The following FHIT variants were observed in gnomAD, a reference collection of about 807,000 sequenced individuals.
FHIT encodes the protein fragile histidine triad diadenosine triphosphatase, also known as bis(5'-adenosyl)-triphosphatase.
Under a neutral mutation model 17.9 loss-of-function variants are expected in FHIT, and 19 were observed. The observed-to-expected ratio is 1.06, with a 90% CI of 0.74 to 1.56. FHIT has a LOEUF of 1.56. FHIT is among the 40% of genes most tolerant of loss of function. FHIT has a pLI of 0.00. For synonymous variants in FHIT, 81 were observed against 69.7 expected (o/e 1.16, Z -0.81); for missense variants, 248 against 189.2 (o/e 1.31, Z -1.82).
chr3:60,144,387 T>C (rs1700153925), intron 5 of FHIT, among the ~76,000 whole-genome samples: 1 of 151,468 alleles, frequency 6.6e-6, no homozygotes, highest in Non-Finnish European at 1.5e-5. Flanking sequence ...TAGTTATTTT[T>C]ATTCATTTCT....
chr3:60,304,613 A>G (rs1032911987), intron 5 of FHIT, among the ~76,000 whole-genome samples: 64 of 152,142 alleles, frequency 4.2e-4, no homozygotes, highest in African/African-American at 1.5e-3. Flanking sequence ...ACATAGGATA[A>G]GCAGTTAATC....
intron 5 of FHIT, among the ~76,000 whole-genome samples, chr3:60,264,097 TGG>T (rs1706447367): frequency 6.6e-6 from 1 of 151,090 alleles, no homozygotes; most frequent in African/African-American, 2.5e-5. Flanking sequence ...TTCCCCAAAG[TGG>T]GGGAGAAAAA....
At chr3:60,775,648 G>C (rs572653139) in intron 4 of FHIT, among the ~76,000 whole-genome samples, 1 of 152,170 alleles carries the variant, frequency 6.6e-6, no homozygotes, top group Non-Finnish European at 1.5e-5. Context: ...GTGGGGACTC[G>C]AGAAGGGGTA....
intron 3 of FHIT, among the ~76,000 whole-genome samples, chr3:60,903,652 A>T (rs1706237665): frequency 6.6e-6 from 1 of 152,232 alleles, no homozygotes; most frequent in African/African-American, 2.4e-5. Context: ...CTGTCATATA[A>T]TATTATCACA....
In FHIT at chr3:60,363,755, C is replaced by T. The variant is rs376767207; in HGVS notation, c.103+173105G>A. ...CGTGAACTCCAACAAGCTTCCCTGG[C>T]CCCCCTGGCCCCCCTGGCTTCAGTG... On this transcript the variant is annotated intron_variant, in intron 5 of 9. Transcript: ENST00000492590. Among the ~76,000 whole-genome samples, 3 of 152,100 alleles carry T rather than the reference C, an allele frequency of 2.0e-5. 1 individual carries two copies. The East Asian group carries it at 5.8e-4, about 29-fold the overall frequency.
Position 60,549,455 on chromosome 3 carries a change from C to A in FHIT, c.-17-12476G>T, listed in dbSNP as rs148257823. 1.1e-3 allele frequency among the ~76,000 whole-genome samples: 164 copies of A among 152,294 alleles called. 3 individuals carry two copies. Among genetic ancestry groups the A allele is most frequent in the African/African-American group, 3.5e-3 (144 of 41,564 alleles). Reference sequence around the variant, plus strand: ...CAACATTTATGCATCTCTTTGATTACTTCTCATGCATTAATTCCTAGATTT... The same window carrying A: ...CAACATTTATGCATCTCTTTGATTAATTCTCATGCATTAATTCCTAGATTT... On this transcript the variant is annotated intron_variant, in intron 4 of 9. Coordinates refer to ENST00000492590, the MANE Select transcript of FHIT (RefSeq NM_002012.4).
At chr3:59,787,042 G>A (rs1346002213) in intron 8 of FHIT, among the ~76,000 whole-genome samples, 1 of 152,184 alleles carries the variant, frequency 6.6e-6, no homozygotes, top group Non-Finnish European at 1.5e-5. Flanking sequence ...GGGCTGGTCT[G>A]TATAACTAGA....
intron 8 of FHIT, among the ~76,000 whole-genome samples, chr3:59,914,044 G>T (rs1705012138): frequency 6.6e-6 from 1 of 152,128 alleles, no homozygotes; most frequent in Non-Finnish European, 1.5e-5. Context: ...GAAATCTAAT[G>T]CATGATACAT....
At chr3:60,288,303 A>G (rs213375) in intron 5 of FHIT, among the ~76,000 whole-genome samples, 58,800 of 151,956 alleles carry the variant, frequency 0.39, 12,401 homozygotes, top group Non-Finnish European at 0.48. Flanking sequence ...GGTCAAAGAG[A>G]TAACATAATA....
At chr3:60,562,241 C>G (rs534758170) in intron 4 of FHIT, among the ~76,000 whole-genome samples, 1 of 152,074 alleles carries the variant, frequency 6.6e-6, no homozygotes, top group Non-Finnish European at 1.5e-5. Flanking sequence ...TTTATGGTTA[C>G]GGAAAGACAG....
intron 5 of FHIT, among the ~76,000 whole-genome samples, chr3:60,497,738 T>G (rs1415762737): frequency 6.6e-6 from 1 of 152,180 alleles, no homozygotes; most frequent in Admixed American, 6.5e-5. Context: ...TAGCAGATCA[T>G]AATAATTCCA....
chr3:60,716,349 T>A (rs2041682592), intron 4 of FHIT, among the ~76,000 whole-genome samples: 1 of 152,162 alleles, frequency 6.6e-6, no homozygotes, highest in South Asian at 2.1e-4. Context: ...TTTCTTTATA[T>A]CCTTTTTCTA....
intron 5 of FHIT, among the ~76,000 whole-genome samples, chr3:60,511,405 A>G (rs1253909742): frequency 2.0e-5 from 3 of 152,162 alleles, no homozygotes; most frequent in Non-Finnish European, 4.4e-5. Context: ...TCAAGCTATA[A>G]CTAGAGAAAA....
At chr3:59,824,544 C>T (rs991401687) in intron 8 of FHIT, among the ~76,000 whole-genome samples, 1 of 152,188 alleles carries the variant, frequency 6.6e-6, no homozygotes, top group African/African-American at 2.4e-5. Flanking sequence ...TGGTAATTTT[C>T]ATACAGCCAT....
At chr3:60,473,725 C>G (rs2033204015) in intron 5 of FHIT, among the ~76,000 whole-genome samples, 1 of 152,080 alleles carries the variant, frequency 6.6e-6, no homozygotes, top group African/African-American at 2.4e-5. Context: ...TCGAGACCAG[C>G]CTGGGCAACA....
rs1207007826 is a variant in FHIT, at chr3:60,954,656, T to G, written c.-111+87391A>C. ...CTGTGGTGAAGGTAGTTAGAGACAA[T>G]AACAAATTATCAGAATCTAACCATG... On this transcript the variant is annotated intron_variant, in intron 3 of 9. Transcript: ENST00000492590. Among the ~76,000 whole-genome samples, 6 of 152,158 alleles carry G rather than the reference T, an allele frequency of 3.9e-5. No individual in the cohort carries two copies. In the East Asian group the frequency reaches 1.2e-3, roughly 29 times the overall value.
At chr3:59,900,833 C>T (rs760231913) in intron 8 of FHIT, among the ~76,000 whole-genome samples, 7 of 152,034 alleles carry the variant, frequency 4.6e-5, no homozygotes, top group Non-Finnish European at 7.4e-5. Context: ...AAGCTGGTCT[C>T]GAACTCCTGA....
At position 60,162,953 on chromosome 3, in the gene FHIT, C is replaced by T. The variant is rs1701003973; in HGVS notation, c.104-148801G>A. Reference sequence around the variant, plus strand: ...CTTACAACAAAACTAGCAAGTTCTTCCAGAGTACAGAGCACCCCTGTTTGA... The same window carrying T: ...CTTACAACAAAACTAGCAAGTTCTTTCAGAGTACAGAGCACCCCTGTTTGA... On this transcript the variant is annotated intron_variant, in intron 5 of 9. Coordinates refer to ENST00000492590, the MANE Select transcript of FHIT (RefSeq NM_002012.4). 3.9e-5 allele frequency among the ~76,000 whole-genome samples: 6 copies of T among 152,278 alleles called. No individual in the cohort carries two copies. The South Asian group carries it at 1.0e-3, about 26-fold the overall frequency.
intron 5 of FHIT, among the ~76,000 whole-genome samples, chr3:60,443,296 C>T (rs1403769923): frequency 6.6e-6 from 1 of 152,184 alleles, no homozygotes; most frequent in East Asian, 1.9e-4. Context: ...CTGGCCAGAA[C>T]TTCCAACACT....
Sources: gnomAD v4.1 joint callset for allele counts (sites outside exome capture counted in the v4.1 genomes callset) on GRCh38, gnomAD v4.1.1 for gene constraint, MANE v1.5 for transcripts, NCBI Gene and HGNC (gene_info 2026-07-23, HGNC 2026-07-21) for gene names.